Variants in PACRGL observed in about 807,000 individuals in gnomAD.
PACRGL encodes the protein parkin coregulated like.
A neutral mutation model predicts 34.5 loss-of-function variants in PACRGL; 38 were observed. The observed-to-expected ratio is 1.10, with a 90% CI of 0.85 to 1.44. The LOEUF is 1.44. Ranked by LOEUF, PACRGL falls within the 40% of genes most tolerant of loss-of-function variation. The pLI, the probability that PACRGL is intolerant of heterozygous loss-of-function variation, is 0.00. For synonymous variants in PACRGL, 128 were observed against 100.1 expected (o/e 1.28, Z -1.66); for missense variants, 305 against 281.4 (o/e 1.08, Z -0.60).
At chr4:20,706,639 A>G (rs1366819186) in intron 3 of PACRGL, among the ~76,000 whole-genome samples, 2 of 151,698 alleles carry the variant, frequency 1.3e-5, no homozygotes, top group Non-Finnish European at 2.9e-5. Context: ...GCAGTGGCAC[A>G]ATCTTGGTTC....
rs1280095674 is a variant in PACRGL, at chr4:20,730,192, T to TAAAA, written c.*2851_*2852insAAAA. 46 of 1,528,836 alleles carry TAAAA rather than the reference T, an allele frequency of 3.0e-5. No homozygotes were observed. The African/African-American group carries it at 6.1e-4, about 20-fold the overall frequency. 94.7% of individuals were successfully genotyped at this position (1,528,836 alleles called of 1,614,324 possible). A position where few individuals can be genotyped will look rare whatever the true frequency, so the allele number is the denominator to read the frequency against. Reference sequence around the variant, plus strand: ...ATCTGCAAGGAAAAGTACACTATTTTGCCCCTGAGTATTGCCTCCTCCCAT... The same window carrying TAAAA: ...ATCTGCAAGGAAAAGTACACTATTTTAAAAGCCCCTGAGTATTGCCTCCTCCCAT... On this transcript the variant is annotated 3_prime_UTR_variant, in exon 9 of 9. Coordinates refer to ENST00000503585, the MANE Select transcript of PACRGL (RefSeq NM_001258345.3).
At chr4:20,716,353 T>C in intron 7 of PACRGL, 1 of 586,436 alleles carries the variant, frequency 1.7e-6, no homozygotes, top group Non-Finnish European at 3.0e-6. Flanking sequence ...TGTTTGTTTG[T>C]TTGTTTTAAT....
downstream of PACRGL, chr4:20,732,665 C>T: frequency 6.4e-7 from 1 of 1,550,524 alleles, no homozygotes; most frequent in Non-Finnish European, 8.9e-7. Flanking sequence ...CTCTTGACTT[C>T]TGTTTTAATT....
intron 7 of PACRGL, among the ~76,000 whole-genome samples, chr4:20,720,659 C>G (rs1219191733): frequency 6.6e-6 from 1 of 152,226 alleles, no homozygotes; most frequent in Non-Finnish European, 1.5e-5. Flanking sequence ...TGGCCCCACT[C>G]TCTTCTGGCT....
In PACRGL at chr4:20,712,855, T is replaced by G. The variant is rs1407008974; in HGVS notation, c.434T>G (p.Val145Gly). 1.2e-6 allele frequency: 2 copies of G among 1,606,042 alleles called. No homozygotes were observed. Among genetic ancestry groups the G allele is most frequent in the Non-Finnish European group, 1.7e-6 (2 of 1,175,132 alleles). ...GAGGGTTTTAGAGAATTACTTTTGG[T>G]CAAAGGTGCTCCTGAAAAAGCTATT... is the stretch of plus-strand genomic sequence containing the variant. ...SKEGFRELLL[V>G]KGAPEKAIPL... is the part of the protein sequence containing the mutation. Residue 145 changes from valine (V) to glycine (G), a missense_variant, in exon 6 of 9, where the codon GTC (valine) becomes GGC (glycine). Val to Gly is a moderately radical substitution (Grantham distance 109). Coordinates refer to ENST00000503585, the MANE Select transcript of PACRGL (RefSeq NM_001258345.3).
At chr4:20,760,564 A>C in the PACRGL span, among the ~76,000 whole-genome samples, 1 of 152,178 alleles carries the variant, frequency 6.6e-6, no homozygotes, top group African/African-American at 2.4e-5. Context: ...TAACAGTTTC[A>C]ATGTGAATTT....
chr4:20,710,096 C>A (rs1736445398), intron 5 of PACRGL, among the ~76,000 whole-genome samples: 1 of 152,052 alleles, frequency 6.6e-6, no homozygotes, highest in Non-Finnish European at 1.5e-5. Context: ...ATAAGGAAAA[C>A]ATCAGGGATT....
chr4:20,757,772 A>T (rs1018129203), downstream of PACRGL, among the ~76,000 whole-genome samples: 2 of 152,122 alleles, frequency 1.3e-5, no homozygotes, highest in African/African-American at 2.4e-5. Flanking sequence ...GTGTATCTTT[A>T]AAAAAATGAG....
rs1317550422 is a variant in PACRGL at position 20,729,097 on chromosome 4, G to T, written c.*1756G>T. The T allele has an allele frequency of 6.6e-6, 1 of 151,934 alleles. No individual in the cohort carries two copies. The highest frequency in any genetic ancestry group is 2.0e-4 in the East Asian group (1 of 5,036). The allele number at this position is 151,934 out of a possible 1,614,324, so 9.4% of individuals were successfully genotyped here. A position where few individuals can be genotyped will look rare whatever the true frequency, so the allele number is the denominator to read the frequency against. On this transcript the variant is annotated 3_prime_UTR_variant, in exon 9 of 9. Coordinates refer to ENST00000503585, the MANE Select transcript of PACRGL (RefSeq NM_001258345.3). Reference sequence around the variant, plus strand: ...GCTGTTTGTTCTTAGTAGACAGTGGGGTAGTCAAGGTTTCTTTCTTTGTCC... The same window carrying T: ...GCTGTTTGTTCTTAGTAGACAGTGGTGTAGTCAAGGTTTCTTTCTTTGTCC...
rs573099667 is a variant in PACRGL, at chr4:20,713,354, T to G, written c.502-78T>G. On this transcript the variant is annotated intron_variant, in intron 6 of 8. Transcript: ENST00000503585. Reference sequence around the variant, plus strand: ...TCCTTTTCTCTACTTGCTTGCCCTTTTTTCTAACCTATCTTTTCTTTCCTT... The same window carrying G: ...TCCTTTTCTCTACTTGCTTGCCCTTGTTTCTAACCTATCTTTTCTTTCCTT... 8.0e-6 allele frequency: 9 copies of G among 1,131,524 alleles called. No individual in the cohort carries two copies. In the East Asian group the frequency reaches 1.9e-4, roughly 24 times the overall value. The allele number at this position is 1,131,524 out of a possible 1,614,324, so 70.1% of individuals were successfully genotyped here. A position where few individuals can be genotyped will look rare whatever the true frequency, so the allele number is the denominator to read the frequency against.
At chr4:20,741,080 A>G (rs571663774) in intron 8 of PACRGL, among the ~76,000 whole-genome samples, 1 of 152,194 alleles carries the variant, frequency 6.6e-6, no homozygotes, top group East Asian at 1.9e-4. Flanking sequence ...ACAAGTCCTT[A>G]GAGATCTACA....
downstream of PACRGL, among the ~76,000 whole-genome samples, chr4:20,756,320 T>C (rs1411787170): frequency 6.6e-6 from 1 of 152,166 alleles, no homozygotes; most frequent in Non-Finnish European, 1.5e-5. Context: ...TAAAACCTTC[T>C]TCCTGAACTC....
intron 7 of PACRGL, among the ~76,000 whole-genome samples, chr4:20,716,520 T>A (rs1416262694): frequency 6.6e-6 from 1 of 152,158 alleles, no homozygotes; most frequent in Non-Finnish European, 1.5e-5. Flanking sequence ...TGTGTGATGT[T>A]CCCCTTCCTG....
At chr4:20,743,402 G>T (rs1364354417) in intron 8 of PACRGL, among the ~76,000 whole-genome samples, 1 of 152,146 alleles carries the variant, frequency 6.6e-6, no homozygotes, top group Non-Finnish European at 1.5e-5. Context: ...AAACAGCATG[G>T]TACTGGTACC....
In PACRGL at chr4:20,713,524, G is replaced by A; in HGVS notation, c.594G>A (p.Lys198=). 1.2e-6 allele frequency: 2 copies of A among 1,611,474 alleles called. No individual in the cohort carries two copies. Among genetic ancestry groups the A allele is most frequent in the Non-Finnish European group, 1.7e-6 (2 of 1,177,856 alleles). The part of the protein sequence containing the change: ...VVGPSLNDHL[K]HLLTSLSKRL... ...GTCCTTCTCTAAACGACCATCTGAA[G>A]CATCTGCTTACAAGCGTAAGTACTG... Residue 198 remains lysine, a synonymous_variant, in exon 7 of 9, where the codon AAG becomes AAA. Coordinates refer to ENST00000503585, the MANE Select transcript of PACRGL (RefSeq NM_001258345.3).
intron 3 of PACRGL, among the ~76,000 whole-genome samples, chr4:20,707,212 C>G (rs769722550): frequency 2.0e-5 from 3 of 151,922 alleles, no homozygotes; most frequent in Admixed American, 2.0e-4. Flanking sequence ...TGTGATTGAC[C>G]ATCCCTTAAA....
intron 8 of PACRGL, among the ~76,000 whole-genome samples, chr4:20,725,959 G>C (rs532128110): frequency 3.3e-5 from 5 of 152,190 alleles, no homozygotes; most frequent in East Asian, 3.9e-4. Context: ...GGAAATTCTT[G>C]CTTGCTCTTC....
chr4:20,737,545 G>A (rs1027766705), downstream of PACRGL, among the ~76,000 whole-genome samples: 4 of 152,168 alleles, frequency 2.6e-5, no homozygotes, highest in Non-Finnish European at 5.9e-5. Context: ...GAAGAACATG[G>A]TGTGGATGCC....
chr4:20,708,881 C>T (rs779812470), intron 4 of PACRGL, among the ~76,000 whole-genome samples: 20 of 151,612 alleles, frequency 1.3e-4, no homozygotes, highest in Non-Finnish European at 2.6e-4. Flanking sequence ...AATCCCAGCA[C>T]TTTGGGAGGC....
Sources: gnomAD v4.1 joint callset for allele counts (sites outside exome capture counted in the v4.1 genomes callset) on GRCh38, gnomAD v4.1.1 for gene constraint, MANE v1.5 for transcripts, NCBI Gene and HGNC (gene_info 2026-07-23, HGNC 2026-07-21) for gene names.